Variants in DMXL1 observed in about 807,000 individuals in gnomAD.
The protein encoded by DMXL1 is dmX-like protein 1.
A neutral mutation model predicts 319.2 loss-of-function variants in DMXL1; 99 were observed. The observed-to-expected ratio is 0.31, with a 90% CI of 0.26 to 0.37. DMXL1 has a LOEUF of 0.37. Ranked by LOEUF, DMXL1 falls within the 10% of genes least tolerant of loss-of-function variation. The pLI, the probability that DMXL1 is intolerant of heterozygous loss-of-function variation, is 1.00. For synonymous variants in DMXL1, 1,385 were observed against 1,235.2 expected (o/e 1.12, Z -2.54); for missense variants, 3,745 against 3,595.6 (o/e 1.04, Z -1.06).
chr5:119,105,870 C>CT (rs888781940), intron 4 of DMXL1, among the ~76,000 whole-genome samples: 1 of 147,690 alleles, frequency 6.8e-6, no homozygotes, highest in Non-Finnish European at 1.5e-5. Context: ...GCACTTCAGC[C>CT]TGGGCAACAA....
chr5:119,088,101 A>AGT (rs1415880058), intron 1 of DMXL1, among the ~76,000 whole-genome samples: 2 of 152,112 alleles, frequency 1.3e-5, no homozygotes, highest in Non-Finnish European at 2.9e-5. Context: ...CAAGCCCAGC[A>AGT]GTGTTTGCTT....
intron 25 of DMXL1, among the ~76,000 whole-genome samples, chr5:119,174,436 A>T (rs913891100): frequency 6.6e-6 from 1 of 152,212 alleles, no homozygotes; most frequent in African/African-American, 2.4e-5. Context: ...TACTGTGATC[A>T]TTTTTGCAAG....
intron 42 of DMXL1, 93 bp downstream of exon 42, chr5:119,240,564 T>C: frequency 2.1e-6 from 2 of 932,028 alleles, no homozygotes; most frequent in Admixed American, 2.2e-5. Context: ...ATGACACATA[T>C]ATTTATTAAC....
At chr5:119,076,567 ATAAAGT>A (rs1424445975) in intron 1 of DMXL1, among the ~76,000 whole-genome samples, 1 of 152,230 alleles carries the variant, frequency 6.6e-6, no homozygotes, top group Non-Finnish European at 1.5e-5. Flanking sequence ...GTTTTAAAAC[ATAAAGT>A]TTTACAGTGT....
At chr5:119,176,827 G>T (rs976145096) in intron 26 of DMXL1, among the ~76,000 whole-genome samples, 3 of 151,992 alleles carry the variant, frequency 2.0e-5, no homozygotes, top group African/African-American at 7.2e-5. Context: ...AGCTTATCCT[G>T]AATTCTCAAA....
At chr5:119,110,417 A>AG (rs1211810628) in intron 5 of DMXL1, 134 bp downstream of exon 5, 2 of 723,614 alleles carry the variant, frequency 2.8e-6, no homozygotes, top group Non-Finnish European at 4.2e-6. Context: ...GCTTTTTCTT[A>AG]TACACAGATA....
At chr5:119,134,475 G>T in intron 13 of DMXL1, 86 bp downstream of exon 13, 1 of 1,160,596 alleles carries the variant, frequency 8.6e-7, no homozygotes, top group Non-Finnish European at 1.2e-6. Flanking sequence ...CTACAATTGT[G>T]ACCTATAATT....
intron 10 of DMXL1, among the ~76,000 whole-genome samples, chr5:119,131,555 A>G (rs1046432087): frequency 2.0e-5 from 3 of 152,204 alleles, no homozygotes; most frequent in Admixed American, 6.5e-5. Flanking sequence ...GTATTTTAAA[A>G]ACTCAGTCCC....
At chr5:119,126,049 G>T (rs1312985392) in intron 9 of DMXL1, among the ~76,000 whole-genome samples, 4 of 152,002 alleles carry the variant, frequency 2.6e-5, no homozygotes, top group Non-Finnish European at 4.4e-5. Flanking sequence ...CCAGCACTTT[G>T]GGAGGCCGAG....
chr5:119,195,263 G>A (rs865797615), intron 30 of DMXL1, among the ~76,000 whole-genome samples: 5 of 152,080 alleles, frequency 3.3e-5, no homozygotes, highest in Middle Eastern at 3.2e-3. Context: ...TGAAAATATT[G>A]AAAACAGGGA....
At chr5:119,093,756 TA>T (rs1755323415) in intron 1 of DMXL1, among the ~76,000 whole-genome samples, 1 of 151,514 alleles carries the variant, frequency 6.6e-6, no homozygotes, top group Non-Finnish European at 1.5e-5. Flanking sequence ...AACTATTAAT[TA>T]AAGTTCTGCT....
Position 119,120,994 on chromosome 5 carries a change from A to C in DMXL1, c.957A>C (p.Arg319Ser). The C allele has an allele frequency of 3.1e-6, 5 of 1,605,564 alleles. No homozygotes were observed. Among genetic ancestry groups the C allele is most frequent in the Non-Finnish European group, 4.2e-6 (5 of 1,177,724 alleles). The change falls in exon 9 of 44, where the codon AGA becomes AGC. Residue 319 changes from arginine (R) to serine (S), a missense_variant. Arg to Ser is a moderately radical substitution (Grantham distance 110). Transcript: ENST00000539542. ...ALEVNLRHFR[R>S]GRRRSLALVA... The stretch of plus-strand genomic sequence containing the variant: ...AGGTAAATCTGAGACATTTTCGTAG[A>C]GGTCGGAGGAGATCACTTGCTCTTG...
chr5:119,246,365 C>T (rs1789758476), intron 43 of DMXL1, among the ~76,000 whole-genome samples: 3 of 152,188 alleles, frequency 2.0e-5, no homozygotes, highest in South Asian at 4.2e-4. Flanking sequence ...AGATAGGAAA[C>T]GTTGATTTTA....
chr5:119,193,000 T>C lies in DMXL1; in HGVS notation c.7315-828T>C, dbSNP rs79384519. On this transcript the variant is annotated intron_variant, in intron 29 of 43. Coordinates refer to ENST00000539542, the MANE Select transcript of DMXL1 (RefSeq NM_001290321.3). The stretch of plus-strand genomic sequence containing the variant: ...TTGGTTCTTTCTCCAAAATATATCT[T>C]AAATCTACTACTTGTCTCTAGCTTC... Among the ~76,000 whole-genome samples the C allele has an allele frequency of 5.5e-4, 84 of 152,306 alleles. No homozygotes were observed. The East Asian group carries it at 0.014, about 26-fold the overall frequency.
chr5:119,133,761 G>A lies in DMXL1; in HGVS notation c.1837G>A (p.Val613Ile), dbSNP rs747290552. 6.2e-7 allele frequency: 1 copy of A among 1,614,052 alleles called. No homozygotes were observed. The highest frequency in any genetic ancestry group is 1.3e-5 in the African/African-American group (1 of 74,932). Residue 613 changes from valine to isoleucine, a missense_variant, in exon 12 of 44, where the codon GTC becomes ATC. Physicochemically the swap from Val to Ile is conservative, Grantham distance 29. This residue lies in a region of DMXL1 where 2,096 missense variants were observed against 1,985.4 expected (regional missense o/e 1.06). Coordinates refer to ENST00000539542, the MANE Select transcript of DMXL1 (RefSeq NM_001290321.3). ...TGATGGTTCTCTGAATCAGTGGCTG[G>A]TCAGTTTTGCCGAGGAATCTGCTTT... ...HADGSLNQWL[V>I]SFAEESAFST...
chr5:119,125,764 C>T (rs1763406938), intron 9 of DMXL1, among the ~76,000 whole-genome samples: 1 of 151,944 alleles, frequency 6.6e-6, no homozygotes, highest in Non-Finnish European at 1.5e-5. Context: ...CGGGGTTTCA[C>T]CATGTTAGCA....
At chr5:119,079,992 C>T (rs546979911) in intron 1 of DMXL1, among the ~76,000 whole-genome samples, 1 of 152,250 alleles carries the variant, frequency 6.6e-6, no homozygotes, top group South Asian at 2.1e-4. Flanking sequence ...TGGTGAGATC[C>T]CTGTCTTTAG....
chr5:119,153,979 G>C (rs563371720), intron 19 of DMXL1, among the ~76,000 whole-genome samples: 57 of 152,256 alleles, frequency 3.7e-4, no homozygotes, highest in Non-Finnish European at 7.5e-4. Context: ...TCTGTCATCT[G>C]TGATCAGTGA....
At chr5:119,204,977 A>C (rs1581314655) in intron 33 of DMXL1, among the ~76,000 whole-genome samples, 1 of 152,200 alleles carries the variant, frequency 6.6e-6, no homozygotes, top group East Asian at 1.9e-4. Flanking sequence ...TTTTAAGTGG[A>C]AACTGTATAT....
Sources: gnomAD v4.1 joint callset for allele counts (sites outside exome capture counted in the v4.1 genomes callset) on GRCh38, gnomAD v4.1.1 for gene constraint, gnomAD v4.1.1 regional missense constraint, MANE v1.5 for transcripts, NCBI Gene and HGNC (gene_info 2026-07-23, HGNC 2026-07-21) for gene names.